TCF12: variants seen among roughly 807,000 people sequenced by gnomAD.
The protein encoded by TCF12 is DNA-binding protein HTF4.
A neutral mutation model predicts 86.0 loss-of-function variants in TCF12; 45 were observed. That is an observed-to-expected ratio of 0.52 (90% CI 0.41 to 0.67). The LOEUF (loss-of-function observed/expected upper bound fraction) is 0.67, where lower values mean the gene tolerates loss of function less well. Ranked by LOEUF, TCF12 falls within the 30% of genes least tolerant of loss-of-function variation. TCF12 has a pLI of 0.00. For missense variants in TCF12, 881 were observed against 859.9 expected (o/e 1.02, Z -0.31); for synonymous variants, 330 against 299.6 (o/e 1.10, Z -1.05).
intron 3 of TCF12, among the ~76,000 whole-genome samples, chr15:56,978,625 A>G (rs1251058152): frequency 6.6e-6 from 1 of 152,216 alleles, no homozygotes; most frequent in Non-Finnish European, 1.5e-5. Context: ...TACCTCACAT[A>G]CATGATACAA....
chr15:57,104,323 A>G (rs1276461525), intron 5 of TCF12, among the ~76,000 whole-genome samples: 1 of 151,788 alleles, frequency 6.6e-6, no homozygotes, highest in African/African-American at 2.4e-5. Context: ...CAAAAATATT[A>G]TTGGCAGACT....
At chr15:57,159,356 G>C (rs1297071194) in intron 5 of TCF12, among the ~76,000 whole-genome samples, 1 of 152,196 alleles carries the variant, frequency 6.6e-6, no homozygotes, top group African/African-American at 2.4e-5. Context: ...TGTTTCTCCA[G>C]ATGGTTAGTA....
chr15:56,958,275 G>C (rs2061583617), intron 3 of TCF12, among the ~76,000 whole-genome samples: 1 of 152,116 alleles, frequency 6.6e-6, no homozygotes, highest in Admixed American at 6.5e-5. Flanking sequence ...AACTTTCTTA[G>C]CTTAGTAAGT....
chr15:57,154,905 C>T (rs777708709), intron 5 of TCF12, among the ~76,000 whole-genome samples: 2 of 152,092 alleles, frequency 1.3e-5, no homozygotes, highest in Non-Finnish European at 2.9e-5. Context: ...CTAGTCAGTA[C>T]ATTTCAGTTC....
chr15:57,129,858 T>C (rs533771385), intron 5 of TCF12: 1 of 152,236 alleles, frequency 6.6e-6, no homozygotes, highest in Non-Finnish European at 1.5e-5. Context: ...ACAGTTAGCT[T>C]GTGAACGCTA....
At chr15:56,976,438 C>T (rs2140827848) in intron 3 of TCF12, among the ~76,000 whole-genome samples, 1 of 151,340 alleles carries the variant, frequency 6.6e-6, no homozygotes, top group South Asian at 2.1e-4. Flanking sequence ...GGGGTTTCAC[C>T]ATGTTAGCCA....
At chr15:57,105,244 C>G (rs1485677423) in intron 5 of TCF12, among the ~76,000 whole-genome samples, 1 of 152,142 alleles carries the variant, frequency 6.6e-6, no homozygotes. Flanking sequence ...CAGGTTCTTC[C>G]TTTTATATGA....
intron 3 of TCF12, among the ~76,000 whole-genome samples, chr15:57,022,232 G>A (rs920602669): frequency 2.2e-4 from 32 of 148,012 alleles, no homozygotes; most frequent in Admixed American, 5.4e-4. Flanking sequence ...CCCACCCCCC[G>A]ATAGGTCCCG....
intron 3 of TCF12, among the ~76,000 whole-genome samples, chr15:56,967,386 A>T (rs1489616985): frequency 1.3e-5 from 2 of 152,020 alleles, no homozygotes; most frequent in Non-Finnish European, 2.9e-5. Context: ...CTTGTCAAGG[A>T]CATTTTTTGG....
chr15:57,077,746 T>TAAA lies in TCF12; in HGVS notation c.222+13934_222+13936dup, dbSNP rs369413643. On this transcript the variant is annotated intron_variant, in intron 4 of 20. Transcript: ENST00000333725. ...CACACCTGGCGGATCTGTAGTTTTTTAAAAAAAAAAAAACGTTTGCATGTA... is the reference window on the plus strand; with the variant it reads ...CACACCTGGCGGATCTGTAGTTTTTTAAAAAAAAAAAAAAAACGTTTGCATGTA... Among the ~76,000 whole-genome samples the TAAA allele has an allele frequency of 1.8e-4, 27 of 148,608 alleles. No homozygotes were observed. The South Asian group carries it at 2.3e-3, about 13-fold the overall frequency.
At chr15:57,074,687 C>T (rs2069733527) in intron 4 of TCF12, among the ~76,000 whole-genome samples, 1 of 152,100 alleles carries the variant, frequency 6.6e-6, no homozygotes, top group South Asian at 2.1e-4. Flanking sequence ...GGAAAGTTCA[C>T]TGTATTGCAG....
intron 8 of TCF12, chr15:57,219,456 G>T: frequency 6.4e-7 from 1 of 1,560,910 alleles, no homozygotes. Context: ...CTTTGCCTGT[G>T]TGGATATATG....
chr15:56,988,582 A>G (rs1293245622), intron 3 of TCF12, among the ~76,000 whole-genome samples: 4 of 152,182 alleles, frequency 2.6e-5, no homozygotes, highest in African/African-American at 7.2e-5. Flanking sequence ...TAGTTGCTAT[A>G]GTTATAAAGA....
intron 3 of TCF12, among the ~76,000 whole-genome samples, chr15:56,989,667 C>A (rs1444742992): frequency 6.6e-6 from 1 of 152,206 alleles, no homozygotes. Context: ...CTGTAGGAAT[C>A]AGTTTGCTGG....
chr15:57,116,391 G>C (rs1384652228), intron 5 of TCF12, among the ~76,000 whole-genome samples: 1 of 152,098 alleles, frequency 6.6e-6, no homozygotes, highest in African/African-American at 2.4e-5. Flanking sequence ...TTCTGGCTCT[G>C]CTGAAGAGCA....
At chr15:57,080,050 A>G (rs762778723) in intron 4 of TCF12, among the ~76,000 whole-genome samples, 1 of 152,210 alleles carries the variant, frequency 6.6e-6, no homozygotes, top group Non-Finnish European at 1.5e-5. Flanking sequence ...AAATTACAGA[A>G]GTTCAAAATG....
chr15:57,036,638 G>A lies in TCF12; in HGVS notation c.149-27112G>A, dbSNP rs148716331. 2.1e-3 allele frequency among the ~76,000 whole-genome samples: 314 copies of A among 152,116 alleles called. 2 individuals carry two copies. The highest frequency in any genetic ancestry group is 3.8e-3 in the Admixed American group (58 of 15,268). ...CGTCTATTTTATGTGCTTATTGGCT[G>A]TTTGCTTATTTTCTTTGGAGAACTA... On this transcript the variant is annotated intron_variant, in intron 3 of 20. Coordinates refer to ENST00000333725, the MANE Select transcript of TCF12 (RefSeq NM_207037.2).
In TCF12 at chr15:57,232,697, T is replaced by C; in HGVS notation, c.826-15T>C. On this transcript the variant is annotated splice_polypyrimidine_tract_variant and intron_variant, in intron 10 of 20. Transcript: ENST00000333725. The stretch of plus-strand genomic sequence containing the variant: ...CAGAAAATATATTTAATAGATCATA[T>C]CTCTTTCCATCTAGAGTTATCCTCC... 6.2e-7 allele frequency: 1 copy of C among 1,607,362 alleles called. No individual in the cohort carries two copies. The highest frequency in any genetic ancestry group is 8.5e-7 in the Non-Finnish European group (1 of 1,177,236).
At chr15:57,054,610 C>T (rs2067861012) in intron 3 of TCF12, among the ~76,000 whole-genome samples, 1 of 152,084 alleles carries the variant, frequency 6.6e-6, no homozygotes, top group African/African-American at 2.4e-5. Flanking sequence ...TCTTCTTTCC[C>T]AGACAGAAGT....
Sources: gnomAD v4.1 joint callset for allele counts (sites outside exome capture counted in the v4.1 genomes callset) on GRCh38, gnomAD v4.1.1 for gene constraint, MANE v1.5 for transcripts, NCBI Gene and HGNC (gene_info 2026-07-23, HGNC 2026-07-21) for gene names.